FOXP1: variants seen among roughly 807,000 people sequenced by gnomAD.
FOXP1 encodes the protein forkhead box P1.
FOXP1 carries 15 observed loss-of-function variants against 98.2 expected under a neutral mutation model. The ratio of observed to expected loss-of-function variants is 0.15; its 90% CI spans 0.10 to 0.24. FOXP1 has a LOEUF of 0.24. FOXP1 is among the 10% of genes least tolerant of loss of function. FOXP1 has a pLI of 1.00. For synonymous variants in FOXP1, 371 were observed against 314.5 expected (o/e 1.18, Z -1.90); for missense variants, 633 against 848.5 (o/e 0.75, Z 3.15).
intron 5 of FOXP1, among the ~76,000 whole-genome samples, chr3:71,251,890 C>T (rs974232493): frequency 1.3e-5 from 2 of 152,170 alleles, no homozygotes; most frequent in African/African-American, 4.8e-5. Context: ...GCACACACTA[C>T]CGGATGGCAA....
At chr3:71,326,441 T>C (rs374746721) in intron 4 of FOXP1, among the ~76,000 whole-genome samples, 2 of 152,022 alleles carry the variant, frequency 1.3e-5, no homozygotes, top group Middle Eastern at 3.2e-3. Context: ...ACAACAATAA[T>C]AACAACAACA....
chr3:71,113,132 A>G (rs1334979921), intron 6 of FOXP1, among the ~76,000 whole-genome samples: 1 of 152,212 alleles, frequency 6.6e-6, no homozygotes, highest in East Asian at 1.9e-4. Flanking sequence ...ACAAAAAAAA[A>G]TATACTATGG....
intron 7 of FOXP1, among the ~76,000 whole-genome samples, chr3:71,063,174 T>G (rs1029562261): frequency 5.3e-5 from 8 of 152,258 alleles, no homozygotes; most frequent in African/African-American, 1.9e-4. Context: ...GTCTGTATTT[T>G]GGTTTCATTT....
intron 2 of FOXP1, among the ~76,000 whole-genome samples, chr3:71,556,941 TG>T (rs1412814902): frequency 6.6e-6 from 1 of 151,654 alleles, no homozygotes; most frequent in Admixed American, 6.6e-5. Flanking sequence ...GTAGATTGAC[TG>T]GAAGTGCAGC....
At chr3:70,965,807 C>G in intron 20 of FOXP1, 83 bp downstream of exon 20, 1 of 1,352,886 alleles carries the variant, frequency 7.4e-7, no homozygotes. Context: ...GTATATAAAG[C>G]CCAGAGAAAG....
At chr3:71,433,854 G>C (rs768005402) in intron 3 of FOXP1, among the ~76,000 whole-genome samples, 9 of 152,192 alleles carry the variant, frequency 5.9e-5, no homozygotes, top group Admixed American at 2.6e-4. Flanking sequence ...TACCTGCATT[G>C]TCTGCCATCC....
At position 71,377,256 on chromosome 3, in the gene FOXP1, G is replaced by C. The variant is rs141987737; in HGVS notation, c.-167-18012C>G. Among the ~76,000 whole-genome samples the C allele has an allele frequency of 7.8e-3, 1,180 of 152,244 alleles. 14 individuals carry two copies. The highest frequency in any genetic ancestry group is 0.027 in the African/African-American group (1,118 of 41,544). ...ATTAAAAATACCAAAAGGTAAAATG[G>C]ATGTTTAAAGCGCTGTTTACTCCCA... On this transcript the variant is annotated intron_variant, in intron 3 of 20. Transcript: ENST00000649528.
intron 2 of FOXP1, among the ~76,000 whole-genome samples, chr3:71,539,890 C>T (rs1028802629): frequency 6.6e-6 from 1 of 152,152 alleles, no homozygotes; most frequent in Non-Finnish European, 1.5e-5. Context: ...TGTCAAGATT[C>T]ATGTCAGGCT....
At chr3:71,063,868 A>G (rs1576527415) in intron 7 of FOXP1, among the ~76,000 whole-genome samples, 1 of 152,216 alleles carries the variant, frequency 6.6e-6, no homozygotes, top group Non-Finnish European at 1.5e-5. Flanking sequence ...GGAAGAGTCT[A>G]TATGTACTTT....
intron 6 of FOXP1, among the ~76,000 whole-genome samples, chr3:71,194,607 T>C (rs1020667595): frequency 3.3e-5 from 5 of 152,160 alleles, no homozygotes; most frequent in South Asian, 2.1e-4. Context: ...AAAAAAACTT[T>C]AGTAATTGCT....
At chr3:71,314,452 C>T (rs900281961) in intron 4 of FOXP1, among the ~76,000 whole-genome samples, 6 of 151,688 alleles carry the variant, frequency 4.0e-5, no homozygotes, top group Admixed American at 6.6e-5. Context: ...CACTTGAACC[C>T]GGGAGGTGGA....
chr3:71,151,181 C>T (rs1160498480), intron 6 of FOXP1, among the ~76,000 whole-genome samples: 1 of 152,164 alleles, frequency 6.6e-6, no homozygotes, highest in Non-Finnish European at 1.5e-5. Flanking sequence ...AATACTGCTA[C>T]CTGGGAGCAC....
At chr3:71,267,910 C>T (rs1038288560) in intron 5 of FOXP1, among the ~76,000 whole-genome samples, 6 of 150,360 alleles carry the variant, frequency 4.0e-5, no homozygotes, top group East Asian at 2.0e-4. Flanking sequence ...CCCAGCTATT[C>T]GGGAGGCTAA....
chr3:71,284,549 G>A (rs1334312760), intron 5 of FOXP1, among the ~76,000 whole-genome samples: 1 of 152,070 alleles, frequency 6.6e-6, no homozygotes, highest in East Asian at 1.9e-4. Context: ...TAATGGAGGA[G>A]ACCCTGTTTC....
intron 3 of FOXP1, among the ~76,000 whole-genome samples, chr3:71,460,012 C>A (rs995211744): frequency 6.6e-6 from 1 of 151,298 alleles, no homozygotes; most frequent in Non-Finnish European, 1.5e-5. Flanking sequence ...CGGCTCACTG[C>A]AAGCTCTGCC....
intron 11 of FOXP1, among the ~76,000 whole-genome samples, chr3:71,027,884 C>G (rs1456455361): frequency 2.0e-5 from 3 of 152,134 alleles, no homozygotes; most frequent in Admixed American, 6.5e-5. Flanking sequence ...GTTTGGTGGT[C>G]ACTGGCATTG....
At chr3:71,460,166 C>G (rs868359198) in intron 3 of FOXP1, among the ~76,000 whole-genome samples, 1 of 151,968 alleles carries the variant, frequency 6.6e-6, no homozygotes, top group Non-Finnish European at 1.5e-5. Flanking sequence ...AATCTCCTGA[C>G]CTCGTGATTC....
chr3:71,574,991 A>G (rs1009839579), intron 2 of FOXP1, among the ~76,000 whole-genome samples: 2 of 152,192 alleles, frequency 1.3e-5, no homozygotes, highest in African/African-American at 2.4e-5. Flanking sequence ...GAAGGGTTGC[A>G]GGCTTTCCTC....
At chr3:71,346,700 T>C (rs1372008117) in intron 4 of FOXP1, among the ~76,000 whole-genome samples, 3 of 152,142 alleles carry the variant, frequency 2.0e-5, no homozygotes, top group African/African-American at 7.2e-5. Context: ...TCTTATCTCA[T>C]TCCTTAGGCA....
Sources: allele counts gnomAD v4.1 joint callset (sites outside exome capture counted in the v4.1 genomes callset), GRCh38; gene constraint gnomAD v4.1.1; transcripts MANE v1.5; gene names NCBI Gene and HGNC (gene_info 2026-07-23, HGNC 2026-07-21).